Variants in DENND1B observed in about 807,000 individuals in gnomAD.
DENND1B encodes DENN domain containing 1B.
In DENND1B, 59 loss-of-function variants were observed where a neutral mutation model predicts 90.1. The observed-to-expected ratio is 0.65, with a 90% CI of 0.53 to 0.81. The LOEUF (loss-of-function observed/expected upper bound fraction) is 0.81, where lower values mean the gene tolerates loss of function less well. Among genes scored for constraint, DENND1B ranks in the 40% least tolerant of loss-of-function variants. The pLI, the probability that DENND1B is intolerant of heterozygous loss-of-function variation, is 0.00. For missense variants in DENND1B, 862 were observed against 912.6 expected (o/e 0.94, Z 0.71); for synonymous variants, 337 against 324.6 (o/e 1.04, Z -0.41).
At chr1:197,627,565 C>G (rs1678885460) in intron 10 of DENND1B, among the ~76,000 whole-genome samples, 1 of 152,022 alleles carries the variant, frequency 6.6e-6, no homozygotes, top group African/African-American at 2.4e-5. Context: ...AACCCACAGC[C>G]AATATCATAC....
chr1:197,768,509 T>C (rs1356230288), intron 2 of DENND1B, among the ~76,000 whole-genome samples: 1 of 152,180 alleles, frequency 6.6e-6, no homozygotes, highest in Admixed American at 6.5e-5. Flanking sequence ...CCATCACTGC[T>C]GGCTGTACTT....
rs550809309 is a variant in DENND1B at position 197,649,707 on chromosome 1, C to T, written c.447+2528G>A. On this transcript the variant is annotated intron_variant, in intron 7 of 22. Coordinates refer to ENST00000620048, the MANE Select transcript of DENND1B (RefSeq NM_001195215.2). ...CTGGATCCTCATCTCTCAGCTTATA[C>T]AAAAAGCAACTCAAGATTGATCAAG... Among the ~76,000 whole-genome samples the T allele has an allele frequency of 3.9e-5, 6 of 152,244 alleles. No individual in the cohort carries two copies. The South Asian group carries it at 8.3e-4, about 21-fold the overall frequency.
chr1:197,651,359 T>G (rs1289917475), intron 7 of DENND1B, among the ~76,000 whole-genome samples: 2 of 152,130 alleles, frequency 1.3e-5, no homozygotes, highest in African/African-American at 4.8e-5. Flanking sequence ...GATGGTACAC[T>G]TCGTTAAAAG....
intron 14 of DENND1B, among the ~76,000 whole-genome samples, chr1:197,587,546 T>C (rs1674807689): frequency 6.6e-6 from 1 of 152,182 alleles, no homozygotes; most frequent in South Asian, 2.1e-4. Context: ...AGGGACTTAT[T>C]TTCTGCCATA....
At chr1:197,528,460 C>T (rs186295753) in intron 20 of DENND1B, among the ~76,000 whole-genome samples, 1 of 152,160 alleles carries the variant, frequency 6.6e-6, no homozygotes, top group East Asian at 1.9e-4. Context: ...TTTTATAAAC[C>T]ATTAAATACA....
rs752218045 is a variant in DENND1B, at chr1:197,553,082, C to A, written c.1180G>T (p.Ala394Ser). 2.8e-5 allele frequency: 43 copies of A among 1,541,430 alleles called. No homozygotes were observed. Among genetic ancestry groups the A allele is most frequent in the Middle Eastern group, 3.4e-4 (2 of 5,896 alleles). ...AATACATCAGAGAAACCCCTTCCTG[C>A]ATTTAGTTTTGCCAGTCGACCATCG... ...FIDGRLAKLN[A>S]GRGFSDVFEE... The change falls in exon 16 of 23, where the codon GCA becomes TCA. Residue 394 changes from alanine to serine, a missense_variant. By Grantham distance (99) the Ala-to-Ser change is moderately conservative. Transcript: ENST00000620048.
At chr1:197,651,889 T>C (rs544230610) in intron 7 of DENND1B, among the ~76,000 whole-genome samples, 9 of 152,046 alleles carry the variant, frequency 5.9e-5, no homozygotes, top group Non-Finnish European at 1.2e-4. Flanking sequence ...TCTCCTGACC[T>C]TGTGATCCAC....
chr1:197,625,625 G>C (rs1678619976), intron 10 of DENND1B, among the ~76,000 whole-genome samples: 1 of 151,928 alleles, frequency 6.6e-6, no homozygotes, highest in African/African-American at 2.4e-5. Flanking sequence ...AAAATCACCA[G>C]CTAACATCAT....
intron 15 of DENND1B, among the ~76,000 whole-genome samples, chr1:197,574,350 A>G (rs1177254623): frequency 6.6e-6 from 1 of 152,206 alleles, no homozygotes; most frequent in Non-Finnish European, 1.5e-5. Context: ...AATTGCTACA[A>G]AGAGAATAAA....
chr1:197,513,289 TCA>T (rs1341106723), intron 20 of DENND1B, among the ~76,000 whole-genome samples: 2 of 151,580 alleles, frequency 1.3e-5, no homozygotes, highest in Admixed American at 6.6e-5. Context: ...CATGCACCCA[TCA>T]CACAGTTTCA....
At chr1:197,706,241 G>T (rs80088735) in intron 3 of DENND1B, among the ~76,000 whole-genome samples, 2,740 of 152,236 alleles carry the variant, frequency 0.018, 36 homozygotes, top group Middle Eastern at 0.031. Context: ...AAAGGAACCT[G>T]CTCATCAGGC....
chr1:197,625,795 G>C (rs1678645762), intron 10 of DENND1B, among the ~76,000 whole-genome samples: 1 of 151,490 alleles, frequency 6.6e-6, no homozygotes, highest in East Asian at 1.9e-4. Flanking sequence ...ACACACATAG[G>C]ACATAGGCTC....
At chr1:197,675,920 C>T (rs1656015118) in intron 3 of DENND1B, among the ~76,000 whole-genome samples, 1 of 151,900 alleles carries the variant, frequency 6.6e-6, no homozygotes, top group African/African-American at 2.4e-5. Context: ...CTCCCCCTCC[C>T]TTCTTCCACA....
At chr1:197,716,661 A>G (rs1660675897) in intron 2 of DENND1B, among the ~76,000 whole-genome samples, 1 of 151,948 alleles carries the variant, frequency 6.6e-6, no homozygotes, top group South Asian at 2.1e-4. Context: ...TTCATAAAGT[A>G]ATACAATTAC....
intron 13 of DENND1B, among the ~76,000 whole-genome samples, chr1:197,600,496 A>G (rs1676107326): frequency 6.6e-6 from 1 of 151,876 alleles, no homozygotes; most frequent in Admixed American, 6.6e-5. Context: ...AGGTAGACAA[A>G]GAGCATACCT....
chr1:197,712,699 A>G (rs1330330163), intron 3 of DENND1B, among the ~76,000 whole-genome samples: 2 of 9,528 alleles, frequency 2.1e-4, no homozygotes, highest in African/African-American at 1.1e-3. Context: ...CAAAACACCA[A>G]AAGCAATGGC....
intron 2 of DENND1B, among the ~76,000 whole-genome samples, chr1:197,717,292 A>C (rs1660737752): frequency 6.6e-6 from 1 of 151,964 alleles, no homozygotes; most frequent in Non-Finnish European, 1.5e-5. Context: ...TACTTTCCAG[A>C]TACTCAATCT....
chr1:197,699,995 T>C (rs777378258), intron 3 of DENND1B, among the ~76,000 whole-genome samples: 1 of 152,090 alleles, frequency 6.6e-6, no homozygotes, highest in Non-Finnish European at 1.5e-5. Context: ...TCCATCCTCA[T>C]GAATAGGAAG....
intron 13 of DENND1B, among the ~76,000 whole-genome samples, chr1:197,596,013 A>G (rs973331900): frequency 1.3e-5 from 2 of 152,026 alleles, no homozygotes; most frequent in Admixed American, 1.3e-4. Flanking sequence ...TATGTAGCCA[A>G]TAAGTGGCAA....
Sources: gnomAD v4.1 joint callset for allele counts (sites outside exome capture counted in the v4.1 genomes callset) on GRCh38, gnomAD v4.1.1 for gene constraint, MANE v1.5 for transcripts, NCBI Gene and HGNC (gene_info 2026-07-23, HGNC 2026-07-21) for gene names.